Variants in MPPED2 observed in about 807,000 individuals in gnomAD.
MPPED2 encodes metallophosphoesterase domain containing 2.
In MPPED2, 5 loss-of-function variants were observed where a neutral mutation model predicts 33.0. That is an observed-to-expected ratio of 0.15 (90% confidence interval 0.08 to 0.32). The LOEUF (loss-of-function observed/expected upper bound fraction) is 0.32. Among genes scored for constraint, MPPED2 ranks in the 10% least tolerant of loss-of-function variants. MPPED2 has a pLI of 1.00. For synonymous variants in MPPED2, 136 were observed against 141.9 expected, an observed-to-expected ratio of 0.96 and a Z score of 0.29; for missense variants, 275 against 372.1, an observed-to-expected ratio of 0.74 and a Z score of 2.15.
At chr11:30,475,668 A>T (rs1291943814) in intron 4 of MPPED2, among the ~76,000 whole-genome samples, 1 of 152,242 alleles carries the variant, frequency 6.6e-6, no homozygotes, top group Non-Finnish European at 1.5e-5. Context: ...TCCAATGTAC[A>T]GGTTGTTTCC....
At chr11:30,453,258 T>G (rs748726397) in intron 4 of MPPED2, among the ~76,000 whole-genome samples, 1 of 152,180 alleles carries the variant, frequency 6.6e-6, no homozygotes, top group Non-Finnish European at 1.5e-5. Flanking sequence ...CGAAGAAGAC[T>G]CCACACCTCT....
chr11:30,439,497 T>C (rs1949472149), intron 4 of MPPED2, among the ~76,000 whole-genome samples: 1 of 152,200 alleles, frequency 6.6e-6, no homozygotes, highest in South Asian at 2.1e-4. Flanking sequence ...ACATTTGCAG[T>C]GTCACTATTA....
intron 3 of MPPED2, among the ~76,000 whole-genome samples, chr11:30,497,700 CCTTTCTTT>C (rs140393689): frequency 1.1e-4 from 16 of 151,804 alleles, no homozygotes; most frequent in Admixed American, 3.3e-4. Context: ...CTGGGTTTTT[CCTTTCTTT>C]CTTTCTTTCT....
intron 3 of MPPED2, among the ~76,000 whole-genome samples, chr11:30,501,214 A>G (rs1952544750): frequency 6.6e-6 from 1 of 152,212 alleles, no homozygotes; most frequent in Non-Finnish European, 1.5e-5. Context: ...CCATCAATAA[A>G]TCATTGGTTT....
chr11:30,480,263 A>T (rs542141220), intron 4 of MPPED2, among the ~76,000 whole-genome samples: 1 of 152,220 alleles, frequency 6.6e-6, no homozygotes, highest in South Asian at 2.1e-4. Flanking sequence ...TACACACAAA[A>T]GAAATAAAGT....
intron 5 of MPPED2, among the ~76,000 whole-genome samples, chr11:30,416,864 G>T (rs1319453048): frequency 6.6e-6 from 1 of 152,130 alleles, no homozygotes; most frequent in African/African-American, 2.4e-5. Context: ...AAATTAAAAG[G>T]TAATAAGTCA....
At chr11:30,454,300 GCTGT>G (rs1193839650) in intron 4 of MPPED2, among the ~76,000 whole-genome samples, 1 of 152,072 alleles carries the variant, frequency 6.6e-6, no homozygotes, top group Admixed American at 6.6e-5. Context: ...GTGATAAATG[GCTGT>G]CTAACATCCT....
At chr11:30,394,373 T>C (rs924559629) in intron 6 of MPPED2, among the ~76,000 whole-genome samples, 1 of 152,186 alleles carries the variant, frequency 6.6e-6, no homozygotes, top group Non-Finnish European at 1.5e-5. Context: ...GCTCTACCAT[T>C]TTTCATTTCT....
intron 4 of MPPED2, among the ~76,000 whole-genome samples, chr11:30,431,423 G>A (rs927919188): frequency 2.6e-5 from 4 of 152,198 alleles, no homozygotes; most frequent in East Asian, 1.9e-4. Context: ...CTGTAAGATG[G>A]AGATAATTAT....
intron 2 of MPPED2, among the ~76,000 whole-genome samples, chr11:30,569,609 A>G (rs967726146): frequency 6.6e-6 from 1 of 152,208 alleles, no homozygotes; most frequent in African/African-American, 2.4e-5. Context: ...GAACCTTGGG[A>G]AATCACAACT....
chr11:30,405,511 A>G (rs1385963212), downstream of MPPED2, among the ~76,000 whole-genome samples: 1 of 152,218 alleles, frequency 6.6e-6, no homozygotes, highest in Non-Finnish European at 1.5e-5. Flanking sequence ...ATGCTGTCAG[A>G]TATGAAAGAG....
chr11:30,547,582 G>A (rs1955489785), intron 2 of MPPED2, among the ~76,000 whole-genome samples: 1 of 152,116 alleles, frequency 6.6e-6, no homozygotes, highest in South Asian at 2.1e-4. Context: ...TCTTTGTATT[G>A]TATAACTTTG....
chr11:30,570,097 A>G (rs1161155921), intron 2 of MPPED2, among the ~76,000 whole-genome samples: 1 of 152,092 alleles, frequency 6.6e-6, no homozygotes, highest in Non-Finnish European at 1.5e-5. Context: ...GCTGTTTGAG[A>G]TGCTATTAAC....
chr11:30,568,991 T>A (rs1399943248), intron 2 of MPPED2, among the ~76,000 whole-genome samples: 1 of 152,144 alleles, frequency 6.6e-6, no homozygotes, highest in African/African-American at 2.4e-5. Context: ...TTTCAAAACA[T>A]TCCCTTTTTT....
chr11:30,532,070 A>T (rs750465685), intron 3 of MPPED2, among the ~76,000 whole-genome samples: 19 of 152,368 alleles, frequency 1.2e-4, no homozygotes, highest in Non-Finnish European at 2.8e-4. Flanking sequence ...AAGGAAGCTA[A>T]TAATACCTAC....
At chr11:30,455,262 ACTGTTTT>A (rs1249582887) in intron 4 of MPPED2, among the ~76,000 whole-genome samples, 1 of 152,144 alleles carries the variant, frequency 6.6e-6, no homozygotes, top group Non-Finnish European at 1.5e-5. Context: ...GAACCAGCCT[ACTGTTTT>A]CTGCCCCATT....
chr11:30,494,498 G>A (rs1436570928), intron 4 of MPPED2, among the ~76,000 whole-genome samples: 1 of 152,068 alleles, frequency 6.6e-6, no homozygotes, highest in Non-Finnish European at 1.5e-5. Context: ...AGCACTTTGG[G>A]AGGCCAAGGC....
intron 2 of MPPED2, among the ~76,000 whole-genome samples, chr11:30,548,711 G>C (rs1365715277): frequency 1.3e-5 from 2 of 152,198 alleles, no homozygotes; most frequent in African/African-American, 4.8e-5. Flanking sequence ...CAAAGAACTG[G>C]AGTAATGTCA....
intron 6 of MPPED2, 56 bp from the exon 7 acceptor site, chr11:30,411,642 T>C: frequency 1.4e-6 from 2 of 1,463,298 alleles, no homozygotes; most frequent in Non-Finnish European, 9.2e-7. Context: ...AGTGATGGAA[T>C]GTAGGGCTGT....
Sources: allele counts gnomAD v4.1 joint callset (sites outside exome capture counted in the v4.1 genomes callset), GRCh38; gene constraint gnomAD v4.1.1; transcripts MANE v1.5; gene names NCBI Gene and HGNC (gene_info 2026-07-23, HGNC 2026-07-21).